Variants in GLIS1 observed in about 807,000 individuals in gnomAD.
GLIS1 encodes zinc finger protein GLIS1.
A neutral mutation model predicts 63.8 loss-of-function variants in GLIS1; 24 were observed. The observed-to-expected ratio is 0.38, with a 90% CI of 0.27 to 0.53. The LOEUF (loss-of-function observed/expected upper bound fraction) is 0.53. Among genes scored for constraint, GLIS1 ranks in the 20% least tolerant of loss-of-function variants. GLIS1 has a pLI of 0.85. For missense variants in GLIS1, 1,036 were observed against 1,074.1 expected, an observed-to-expected ratio of 0.96 and a Z score of 0.50; for synonymous variants, 450 against 482.5, an observed-to-expected ratio of 0.93 and a Z score of 0.88.
At chr1:53,529,071 T>C (rs765666356) in intron 5 of GLIS1, among the ~76,000 whole-genome samples, 6 of 152,208 alleles carry the variant, frequency 3.9e-5, no homozygotes, top group Non-Finnish European at 7.4e-5. Context: ...TGACTGCCCC[T>C]GCCCAGAGCA....
intron 2 of GLIS1, among the ~76,000 whole-genome samples, chr1:53,605,567 A>G (rs905151277): frequency 6.6e-6 from 1 of 152,180 alleles, no homozygotes; most frequent in African/African-American, 2.4e-5. Flanking sequence ...ACATCACTAT[A>G]GTACTCTCTA....
chr1:53,642,560 T>C (rs1645799090), intron 2 of GLIS1, among the ~76,000 whole-genome samples: 1 of 152,224 alleles, frequency 6.6e-6, no homozygotes, highest in Non-Finnish European at 1.5e-5. Context: ...CTGTCTATCC[T>C]GTAACACCCA....
intron 2 of GLIS1, among the ~76,000 whole-genome samples, chr1:53,688,149 C>T (rs1384371391): frequency 2.0e-5 from 3 of 152,248 alleles, no homozygotes; most frequent in Admixed American, 6.5e-5. Context: ...CACCCGCTCT[C>T]GGTCCCTGAT....
At chr1:53,588,629 C>T (rs541475647) in intron 4 of GLIS1, among the ~76,000 whole-genome samples, 6 of 152,330 alleles carry the variant, frequency 3.9e-5, no homozygotes, top group African/African-American at 1.4e-4. Context: ...GGGGTGTGTG[C>T]TGGCCTTAAA....
At chr1:53,615,581 C>T (rs1162936744) in intron 2 of GLIS1, among the ~76,000 whole-genome samples, 1 of 151,986 alleles carries the variant, frequency 6.6e-6, no homozygotes, top group Non-Finnish European at 1.5e-5. Flanking sequence ...GTAAGTAAAC[C>T]CCAACATCCT....
At position 53,511,942 on chromosome 1, in the gene GLIS1, C is replaced by T. The variant is rs1183873773; in HGVS notation, c.1884-1915G>A. Among the ~76,000 whole-genome samples, 1 of 152,216 alleles carries T rather than the reference C, an allele frequency of 6.6e-6. No homozygotes were observed. The highest frequency in any genetic ancestry group is 2.4e-5 in the African/African-American group (1 of 41,468). On this transcript the variant is annotated intron_variant, in intron 8 of 10. Transcript: ENST00000628545. This position sits in a 1 kb window ranked among gnomAD's most constrained non-coding sequence, Gnocchi z 4.2. ...CCCTTCTCGGTCACCCGGTGCCCAG[C>T]GCTGGGCATGGCACACAGTGAAAAA... is the stretch of plus-strand genomic sequence containing the variant.
chr1:53,521,526 C>T lies in GLIS1; in HGVS notation c.1594-760G>A, dbSNP rs531760204. On this transcript the variant is annotated intron_variant, in intron 6 of 10. Coordinates refer to ENST00000628545, the MANE Select transcript of GLIS1 (RefSeq NM_001367484.1). ...CCAGCCTGTAATAAGCAGCAACAGT[C>T]ACGCCTCACCCCAGGCTGCCATGAG... Among the ~76,000 whole-genome samples, 201 of 152,272 alleles carry T rather than the reference C, an allele frequency of 1.3e-3. 1 individual carries two copies. The highest frequency in any genetic ancestry group is 4.6e-3 in the African/African-American group (192 of 41,548).
At chr1:53,538,074 C>T (rs914352089) in intron 4 of GLIS1, among the ~76,000 whole-genome samples, 4 of 152,222 alleles carry the variant, frequency 2.6e-5, no homozygotes, top group East Asian at 1.9e-4. Flanking sequence ...TGGGAGGGGC[C>T]GCTGGCTGGC....
intron 2 of GLIS1, among the ~76,000 whole-genome samples, chr1:53,660,330 G>C (rs1426931278): frequency 6.6e-6 from 1 of 152,212 alleles, no homozygotes; most frequent in Non-Finnish European, 1.5e-5. Flanking sequence ...TCTGGGTGGA[G>C]TAAGGGGCAT....
intron 5 of GLIS1, 65 bp downstream of exon 5, chr1:53,529,726 C>G: frequency 6.5e-7 from 1 of 1,528,626 alleles, no homozygotes; most frequent in Non-Finnish European, 8.9e-7. Flanking sequence ...GGGCTCTGCA[C>G]TGAATGAGTG....
In GLIS1 at chr1:53,709,764, T is replaced by C. The variant is rs116192186; in HGVS notation, c.259+28042A>G. ...ATCTCTGCATAGTGTAGTGCAGAGC[T>C]AGAGCAGAGTACATGACAGGCATGG... is the stretch of plus-strand genomic sequence containing the variant. On this transcript the variant is annotated intron_variant, in intron 2 of 10. Coordinates refer to ENST00000628545, the MANE Select transcript of GLIS1 (RefSeq NM_001367484.1). Among the ~76,000 whole-genome samples the C allele has an allele frequency of 8.4e-3, 1,280 of 152,240 alleles. 15 individuals carry two copies. Among genetic ancestry groups the C allele is most frequent in the African/African-American group, 0.03 (1,232 of 41,538 alleles).
intron 4 of GLIS1, among the ~76,000 whole-genome samples, chr1:53,562,686 C>T (rs930918157): frequency 6.6e-6 from 1 of 152,202 alleles, no homozygotes; most frequent in African/African-American, 2.4e-5. Context: ...CCTCCTCCAA[C>T]CGTATCAACA....
chr1:53,527,355 C>T (rs1415225862), intron 5 of GLIS1, among the ~76,000 whole-genome samples: 4 of 152,214 alleles, frequency 2.6e-5, no homozygotes, highest in African/African-American at 4.8e-5. Flanking sequence ...GCCTGGGACA[C>T]GGCAGGATGT....
chr1:53,555,578 G>GT (rs1176331087), intron 4 of GLIS1, among the ~76,000 whole-genome samples: 5 of 152,214 alleles, frequency 3.3e-5, no homozygotes, highest in Non-Finnish European at 7.3e-5. Flanking sequence ...TGGATTGTTT[G>GT]TAACACAAAG....
intron 4 of GLIS1, among the ~76,000 whole-genome samples, chr1:53,565,505 C>CA (rs1352370125): frequency 6.0e-5 from 9 of 150,740 alleles, no homozygotes; most frequent in Admixed American, 6.6e-5. Context: ...AAAGAAGGCA[C>CA]AAAAAAAGGA....
At chr1:53,542,691 C>A (rs987202634) in intron 4 of GLIS1, among the ~76,000 whole-genome samples, 2 of 152,214 alleles carry the variant, frequency 1.3e-5, no homozygotes, top group African/African-American at 4.8e-5. Context: ...TGGCATGGGT[C>A]CCTAAAAGCT....
intron 7 of GLIS1, 21 bp from the exon 8 acceptor site, chr1:53,514,802 C>A: frequency 6.4e-7 from 1 of 1,559,562 alleles, no homozygotes. Flanking sequence ...TCAAACAAGG[C>A]TCACTGGACT....
At chr1:53,648,584 A>G (rs1009618590) in intron 2 of GLIS1, among the ~76,000 whole-genome samples, 3 of 152,248 alleles carry the variant, frequency 2.0e-5, no homozygotes, top group African/African-American at 7.2e-5. Flanking sequence ...AAATATGGTC[A>G]AAAACTGGAA....
chr1:53,512,569 A>G (rs560095521), intron 8 of GLIS1, among the ~76,000 whole-genome samples: 7 of 151,614 alleles, frequency 4.6e-5, no homozygotes, highest in African/African-American at 1.7e-4. Context: ...CCCTTTCCCC[A>G]CTCTCTTCTC....
Sources: gnomAD v4.1 joint callset for allele counts (sites outside exome capture counted in the v4.1 genomes callset) on GRCh38, gnomAD v4.1.1 for gene constraint, Gnocchi (gnomAD v3.1) non-coding constraint, MANE v1.5 for transcripts, NCBI Gene and HGNC (gene_info 2026-07-23, HGNC 2026-07-21) for gene names.